Variants in CFAP299 observed in about 807,000 individuals in gnomAD.
CFAP299 encodes cilia- and flagella-associated protein 299.
Under a neutral mutation model 27.0 loss-of-function variants are expected in CFAP299, and 21 were observed. The ratio of observed to expected loss-of-function variants is 0.78; its 90% CI spans 0.55 to 1.12. The LOEUF is 1.12. Ranked by LOEUF, CFAP299 falls within the 50% of genes most tolerant of loss-of-function variation. CFAP299 has a pLI of 0.00. For synonymous variants in CFAP299, 104 were observed against 98.1 expected, an observed-to-expected ratio of 1.06 and a Z score of -0.36; for missense variants, 310 against 276.6, an observed-to-expected ratio of 1.12 and a Z score of -0.86.
At chr4:80,749,290 G>A (rs1398076443) in intron 3 of CFAP299, among the ~76,000 whole-genome samples, 2 of 152,026 alleles carry the variant, frequency 1.3e-5, no homozygotes, top group Non-Finnish European at 2.9e-5. Context: ...AGCTGTTCCA[G>A]CTCCTTGACT....
intron 2 of CFAP299, among the ~76,000 whole-genome samples, chr4:80,489,726 G>A (rs1323235711): frequency 6.6e-6 from 1 of 152,120 alleles, no homozygotes; most frequent in Admixed American, 6.5e-5. Flanking sequence ...TTCTCTGACT[G>A]TTGTACCATA....
chr4:80,861,328 C>A (rs1732339212), intron 3 of CFAP299, among the ~76,000 whole-genome samples: 1 of 152,194 alleles, frequency 6.6e-6, no homozygotes. Flanking sequence ...CTTTCTTTGA[C>A]TAGGAACGGG....
chr4:80,732,046 C>G (rs1290717569), intron 3 of CFAP299, among the ~76,000 whole-genome samples: 1 of 143,690 alleles, frequency 7.0e-6, no homozygotes, highest in African/African-American at 2.8e-5. Flanking sequence ...TCCCTGCATT[C>G]ATACACAGAC....
intron 2 of CFAP299, among the ~76,000 whole-genome samples, chr4:80,467,643 A>T (rs894820934): frequency 1.3e-5 from 2 of 152,230 alleles, no homozygotes; most frequent in African/African-American, 2.4e-5. Flanking sequence ...GGAATATGTA[A>T]TATAAATTAA....
In CFAP299 at chr4:80,799,668, T is replaced by TAATATATAATATATA. The variant is rs1728196641; in HGVS notation, c.334-70323_334-70322insTATATAATATATAAA. ...TATATATTTTATATATTATATTTTA[T>TAATATATAATATATA]AAATATATATTTATAAATATATAAT... On this transcript the variant is annotated intron_variant, in intron 3 of 5. Transcript: ENST00000358105. Among the ~76,000 whole-genome samples, 89 of 18,594 alleles carry TAATATATAATATATA rather than the reference T, an allele frequency of 4.8e-3. 19 individuals carry two copies. Among genetic ancestry groups the TAATATATAATATATA allele is most frequent in the East Asian group, 8.2e-3 (2 of 244 alleles). 12.2% of individuals were successfully genotyped at this position (18,594 alleles called of 152,430 possible).
At chr4:80,538,262 A>G (rs1447898019) in intron 2 of CFAP299, among the ~76,000 whole-genome samples, 1 of 152,158 alleles carries the variant, frequency 6.6e-6, no homozygotes, top group Non-Finnish European at 1.5e-5. Context: ...ATATTTTTGT[A>G]TTTTTGTACA....
chr4:80,767,058 G>C (rs996619696), intron 3 of CFAP299, among the ~76,000 whole-genome samples: 61 of 152,262 alleles, frequency 4.0e-4, no homozygotes, highest in Non-Finnish European at 6.0e-4. Context: ...GCCTGAAGCA[G>C]AGAATAGTAC....
At chr4:80,682,961 T>G (rs976322227) in intron 3 of CFAP299, among the ~76,000 whole-genome samples, 7 of 152,152 alleles carry the variant, frequency 4.6e-5, no homozygotes, top group African/African-American at 1.7e-4. Context: ...AGCTTCCAAT[T>G]TGCTATATCA....
intron 4 of CFAP299, among the ~76,000 whole-genome samples, chr4:80,907,666 G>A (rs1366171220): frequency 1.3e-5 from 2 of 152,158 alleles, no homozygotes; most frequent in African/African-American, 4.8e-5. Context: ...ATTAAGTCTT[G>A]TGAGAACTCA....
At chr4:80,875,387 C>T (rs560958037) in intron 4 of CFAP299, among the ~76,000 whole-genome samples, 87 of 152,234 alleles carry the variant, frequency 5.7e-4, no homozygotes, top group Non-Finnish European at 8.4e-4. Flanking sequence ...TCTTGCCGGG[C>T]GCGGTGGCTC....
chr4:80,604,427 G>T (rs567949268), intron 3 of CFAP299, among the ~76,000 whole-genome samples: 2 of 152,244 alleles, frequency 1.3e-5, no homozygotes, highest in South Asian at 4.1e-4. Flanking sequence ...TCAGTCCAGT[G>T]CTCCGCTCTC....
intron 3 of CFAP299, among the ~76,000 whole-genome samples, chr4:80,834,556 G>A (rs1730462153): frequency 6.6e-6 from 1 of 152,164 alleles, no homozygotes; most frequent in Non-Finnish European, 1.5e-5. Context: ...AAAATGTCCA[G>A]TCTGTTTCTG....
chr4:80,782,418 A>G (rs1201831120), intron 3 of CFAP299, among the ~76,000 whole-genome samples: 1 of 150,640 alleles, frequency 6.6e-6, no homozygotes, highest in Admixed American at 6.7e-5. Flanking sequence ...TCAGCTTAAG[A>G]CAGCTTGAGT....
intron 3 of CFAP299, among the ~76,000 whole-genome samples, chr4:80,773,086 A>T (rs1343411321): frequency 6.6e-6 from 1 of 152,182 alleles, no homozygotes; most frequent in African/African-American, 2.4e-5. Flanking sequence ...GGAAGCCATC[A>T]TTCTCAGCAA....
At chr4:80,453,209 G>A (rs1463572063) in intron 2 of CFAP299, among the ~76,000 whole-genome samples, 1 of 151,978 alleles carries the variant, frequency 6.6e-6, no homozygotes, top group African/African-American at 2.4e-5. Flanking sequence ...TATATTTAAG[G>A]AAAGTTTTTA....
chr4:80,321,471 C>G, the CFAP299 span, among the ~76,000 whole-genome samples: 1 of 152,130 alleles, frequency 6.6e-6, no homozygotes, highest in Non-Finnish European at 1.5e-5. Flanking sequence ...GTGGTGGGTG[C>G]TCTTTGGCTT....
At chr4:80,369,760 G>T (rs1264645010) in intron 2 of CFAP299, among the ~76,000 whole-genome samples, 1 of 152,174 alleles carries the variant, frequency 6.6e-6, no homozygotes. Context: ...GTTTTCCTTG[G>T]TGAGTATCCT....
chr4:80,402,268 AG>A (rs570409542), intron 2 of CFAP299, among the ~76,000 whole-genome samples: 110 of 152,228 alleles, frequency 7.2e-4, no homozygotes, highest in African/African-American at 2.5e-3. Flanking sequence ...TGGAGGGGCC[AG>A]GGGTGGAATT....
intron 1 of CFAP299, among the ~76,000 whole-genome samples, chr4:80,351,282 A>G (rs1490411817): frequency 2.0e-5 from 3 of 152,214 alleles, no homozygotes; most frequent in Admixed American, 6.5e-5. Context: ...TATTTAAAGA[A>G]AAATAATGAC....
Sources: allele counts gnomAD v4.1 joint callset (sites outside exome capture counted in the v4.1 genomes callset), GRCh38; gene constraint gnomAD v4.1.1; transcripts MANE v1.5; gene names NCBI Gene and HGNC (gene_info 2026-07-23, HGNC 2026-07-21).